CMBL: variants seen among roughly 807,000 people sequenced by gnomAD.
The protein encoded by CMBL is carboxymethylenebutenolidase homolog.
A neutral mutation model predicts 28.7 loss-of-function variants in CMBL; 17 were observed. That is an observed-to-expected ratio of 0.59 (90% confidence interval 0.41 to 0.89). The LOEUF is 0.89. Ranked by LOEUF, CMBL falls within the 40% of genes least tolerant of loss-of-function variation. The pLI is 0.00. For synonymous variants in CMBL, 106 were observed against 101.6 expected, an observed-to-expected ratio of 1.04 and a Z score of -0.26; for missense variants, 310 against 298.5, an observed-to-expected ratio of 1.04 and a Z score of -0.28.
At position 10,286,238 on chromosome 5, in the gene CMBL, T is replaced by C. The variant is rs545669291; in HGVS notation, c.466+116A>G. On this transcript the variant is annotated intron_variant, in intron 4 of 5. Transcript: ENST00000296658. ...ATTCTTAAAACCCATTTCCATAAGA[T>C]GGGCAGTCTTCACATTATTGGGGGT... The C allele has an allele frequency of 2.2e-5, 22 of 1,001,136 alleles. No homozygotes were observed. The South Asian group carries it at 2.3e-4, about 11-fold the overall frequency. 62.0% of individuals were successfully genotyped at this position (1,001,136 alleles called of 1,614,324 possible).
intron 1 of CMBL, among the ~76,000 whole-genome samples, chr5:10,296,004 C>T (rs564851150): frequency 1.3e-5 from 2 of 152,236 alleles, no homozygotes; most frequent in Non-Finnish European, 2.9e-5. Flanking sequence ...GGAGAAAATG[C>T]GAGTATTGGA....
chr5:10,306,397 A>G (rs1410777697), intron 1 of CMBL, among the ~76,000 whole-genome samples: 9 of 152,086 alleles, frequency 5.9e-5, no homozygotes, highest in African/African-American at 2.2e-4. Context: ...GTCTGGGGGA[A>G]GAGAGGTCTG....
intron 1 of CMBL, among the ~76,000 whole-genome samples, chr5:10,298,406 A>T (rs1179866055): frequency 6.6e-6 from 1 of 152,246 alleles, no homozygotes; most frequent in African/African-American, 2.4e-5. Flanking sequence ...TTTAAAAAAA[A>T]AGGAAAGACA....
At chr5:10,300,707 G>A (rs1208962270) in intron 1 of CMBL, among the ~76,000 whole-genome samples, 2 of 151,884 alleles carry the variant, frequency 1.3e-5, no homozygotes, top group South Asian at 4.2e-4. Flanking sequence ...AAGACTGAAA[G>A]GAGGATCACT....
intron 1 of CMBL, among the ~76,000 whole-genome samples, chr5:10,292,812 G>C (rs568698309): frequency 7.3e-6 from 1 of 137,626 alleles, no homozygotes; most frequent in East Asian, 2.0e-4. Context: ...CAACAAGAGC[G>C]AGGCTCTGTC....
chr5:10,298,829 G>C (rs1277247156), intron 1 of CMBL, among the ~76,000 whole-genome samples: 1 of 152,194 alleles, frequency 6.6e-6, no homozygotes, highest in Admixed American at 6.5e-5. Context: ...GGAGGCAAAG[G>C]CTGCAGTCAG....
At chr5:10,305,161 C>G (rs565051047) in intron 1 of CMBL, among the ~76,000 whole-genome samples, 1 of 152,132 alleles carries the variant, frequency 6.6e-6, no homozygotes, top group African/African-American at 2.4e-5. Flanking sequence ...CCACTGGTGA[C>G]GTCTCTGGAA....
chr5:10,291,494 C>G (rs1561063840), intron 1 of CMBL, among the ~76,000 whole-genome samples: 1 of 151,854 alleles, frequency 6.6e-6, no homozygotes, highest in Non-Finnish European at 1.5e-5. Context: ...AACCCCGTCT[C>G]TACTAAAAAA....
chr5:10,279,072 C>G lies in CMBL; in HGVS notation c.*1381G>C, dbSNP rs919338672. Among the ~76,000 whole-genome samples the G allele has an allele frequency of 6.6e-6, 1 of 152,168 alleles. No homozygotes were observed. The highest frequency in any genetic ancestry group is 2.4e-5 in the African/African-American group (1 of 41,422). On this transcript the variant is annotated 3_prime_UTR_variant, in exon 6 of 6. Transcript: ENST00000296658. ...AGTCACTTGCCCAAAGTCACATGTA[C>G]GCACCCCGTAGGTGCAGGTGCAGAG... is the stretch of plus-strand genomic sequence containing the variant.
intron 4 of CMBL, among the ~76,000 whole-genome samples, chr5:10,284,159 A>C (rs74493491): frequency 0.044 from 6,640 of 152,280 alleles, 470 homozygotes; most frequent in African/African-American, 0.15. Context: ...CAGCTCACGC[A>C]CTACACAACA....
At chr5:10,295,586 T>G (rs1421468336) in intron 1 of CMBL, among the ~76,000 whole-genome samples, 1 of 152,170 alleles carries the variant, frequency 6.6e-6, no homozygotes. Flanking sequence ...AGTTCACAAG[T>G]GCAGAGCCCT....
chr5:10,304,898 G>C (rs1746969729), intron 1 of CMBL, among the ~76,000 whole-genome samples: 1 of 152,188 alleles, frequency 6.6e-6, no homozygotes, highest in Non-Finnish European at 1.5e-5. Context: ...ACAATGAATG[G>C]AGCTGGAATC....
chr5:10,297,731 C>CG (rs1746834269), intron 1 of CMBL, among the ~76,000 whole-genome samples: 1 of 151,930 alleles, frequency 6.6e-6, no homozygotes, highest in Non-Finnish European at 1.5e-5. Context: ...TCAATGACCC[C>CG]GGGAGAGAGG....
chr5:10,293,999 T>C (rs531566947), intron 1 of CMBL, among the ~76,000 whole-genome samples: 139 of 152,270 alleles, frequency 9.1e-4, no homozygotes, highest in Middle Eastern at 6.8e-3. Flanking sequence ...AAAGGCACCA[T>C]TTGGGCAAAG....
At chr5:10,283,192 C>T (rs1158619527) in intron 4 of CMBL, among the ~76,000 whole-genome samples, 1 of 152,012 alleles carries the variant, frequency 6.6e-6, no homozygotes, top group South Asian at 2.1e-4. Context: ...GGAATCAGGC[C>T]ATTAAATAAT....
In CMBL at chr5:10,305,060, G is replaced by A. The variant is rs554525940; in HGVS notation, c.-20+2565C>T. Among the ~76,000 whole-genome samples the A allele has an allele frequency of 7.9e-5, 12 of 152,268 alleles. No homozygotes were observed. The South Asian group carries it at 2.1e-3, about 26-fold the overall frequency. The stretch of plus-strand genomic sequence containing the variant: ...GTCTGAGATGCATGACAGAGTCCTC[G>A]TTACACATGCTGTCAATAAAGGCTT... On this transcript the variant is annotated intron_variant, in intron 1 of 5. Coordinates refer to ENST00000296658, the MANE Select transcript of CMBL (RefSeq NM_138809.4).
rs114442248 is a variant in CMBL at position 10,280,617 on chromosome 5, G to A, written c.574C>T (p.Gln192Ter). 919 of 1,604,848 alleles carry A rather than the reference G, an allele frequency of 5.7e-4. 2 individuals carry two copies. In the African/African-American group the frequency reaches 0.011, roughly 19 times the overall value. ...IPLKDVSLLT[Q>*]KLKEHCKVEY... ...ACTTTGCAGTGTTCTTTCAACTTCT[G>A]AGTCAGCAAAGATACCTGGTGTGCA... Residue 192 changes from glutamine to a stop codon, truncating the protein, a stop_gained, in exon 6 of 6, where the codon CAG becomes TAG. Transcript: ENST00000296658. LOFTEE classifies it high-confidence loss of function.
At chr5:10,281,885 C>T (rs6860733) in intron 5 of CMBL, among the ~76,000 whole-genome samples, 1 of 139,968 alleles carries the variant, frequency 7.1e-6, no homozygotes, top group Non-Finnish European at 1.5e-5. Flanking sequence ...TGAGGCCAGG[C>T]GTGGTGGCTC....
chr5:10,290,674 A>T lies in CMBL; in HGVS notation c.89T>A (p.Ile30Asn). Residue 30 changes from isoleucine to asparagine, a missense_variant, in exon 2 of 6, where the codon ATC (isoleucine) becomes AAC (asparagine). Ile to Asn is a moderately radical substitution (Grantham distance 149, BLOSUM62 -3). Transcript: ENST00000296658. ...GGGGGATTTGGTGACATAAGCCTTG[A>T]TGTGCTCGACTTGAACTTCACGGCC... Reference protein sequence around the residue: ...GLGREVQVEHIKAYVTKSPVD... With the variant: ...GLGREVQVEHNKAYVTKSPVD... The T allele has an allele frequency of 1.9e-6, 3 of 1,614,204 alleles. No individual in the cohort carries two copies. Among genetic ancestry groups the T allele is most frequent in the Non-Finnish European group, 1.7e-6 (2 of 1,180,022 alleles).
Sources: allele counts gnomAD v4.1 joint callset (sites outside exome capture counted in the v4.1 genomes callset), GRCh38; gene constraint gnomAD v4.1.1; transcripts MANE v1.5; gene names NCBI Gene and HGNC (gene_info 2026-07-23, HGNC 2026-07-21).